The following LMO3 variants were observed in gnomAD, a reference collection of about 807,000 sequenced individuals.
The protein encoded by LMO3 is LIM domain only 3.
In LMO3, 2 loss-of-function variants were observed where a neutral mutation model predicts 15.8. The observed-to-expected ratio is 0.13, with a 90% CI of 0.05 to 0.40. LMO3 has a LOEUF of 0.40. Ranked by LOEUF, LMO3 falls within the 10% of genes least tolerant of loss-of-function variation. The pLI is 0.99. For missense variants in LMO3, 86 were observed against 182.2 expected (o/e 0.47, Z 3.04); for synonymous variants, 62 against 63.8 (o/e 0.97, Z 0.13).
At chr12:16,557,256 A>T (rs1942225587) in intron 3 of LMO3, among the ~76,000 whole-genome samples, 2 of 152,172 alleles carry the variant, frequency 1.3e-5, no homozygotes, top group African/African-American at 2.4e-5. Flanking sequence ...CAAAGGACAT[A>T]AACTGCCTAC....
chr12:16,550,355 G>A lies in LMO3; in HGVS notation c.*867C>T, dbSNP rs758301849. The stretch of plus-strand genomic sequence containing the variant: ...TAACAGATTTTTAAAGTAACCCTTT[G>A]GAAAAAATTTTACGTGATACCCAAA... On this transcript the variant is annotated 3_prime_UTR_variant, in exon 4 of 4. Transcript: ENST00000537304. The A allele has an allele frequency of 6.6e-6, 1 of 152,206 alleles. No individual in the cohort carries two copies. 9.4% of individuals were successfully genotyped at this position (152,206 alleles called of 1,614,324 possible).
rs1943560785 is a variant in LMO3, at chr12:16,593,651, A to C, written c.206+7004T>G. Reference sequence around the variant, plus strand: ...AGTTGGCTGATGTAGTTAGTTTGTGAAGATAGAAAACGTTTGGCTTCTATA... The same window carrying C: ...AGTTGGCTGATGTAGTTAGTTTGTGCAGATAGAAAACGTTTGGCTTCTATA... On this transcript the variant is annotated intron_variant, in intron 2 of 3. Transcript: ENST00000537304. This position sits in a 1 kb window ranked among gnomAD's most constrained non-coding sequence, Gnocchi z 4.2. 6.6e-6 allele frequency among the ~76,000 whole-genome samples: 1 copy of C among 151,840 alleles called. No individual in the cohort carries two copies. The highest frequency in any genetic ancestry group is 2.4e-5 in the African/African-American group (1 of 41,434).
At position 16,549,190 on chromosome 12, in the gene LMO3, A is replaced by C. The variant is rs1452031293; in HGVS notation, c.*2032T>G. On this transcript the variant is annotated 3_prime_UTR_variant, in exon 4 of 4. Transcript: ENST00000537304. ...CTGATCTCTCCCCCACATATTTTTA[A>C]TTTGTCTTGCTTTGTTTATTTTGGT... The C allele has an allele frequency of 1.3e-5, 2 of 152,018 alleles. No individual in the cohort carries two copies. The highest frequency in any genetic ancestry group is 4.8e-5 in the African/African-American group (2 of 41,378). The allele number at this position is 152,018 out of a possible 1,614,324, so 9.4% of individuals were successfully genotyped here. A position where few individuals can be genotyped will look rare whatever the true frequency, so the allele number is the denominator to read the frequency against.
rs527490662 is a variant in LMO3, at chr12:16,557,823, C to T, written c.332+2590G>A. Among the ~76,000 whole-genome samples the T allele has an allele frequency of 3.3e-5, 5 of 152,100 alleles. 1 individual carries two copies. The South Asian group carries it at 1.0e-3, about 32-fold the overall frequency. On this transcript the variant is annotated intron_variant, in intron 3 of 3. Coordinates refer to ENST00000537304, the MANE Select transcript of LMO3 (RefSeq NM_018640.5). ...ATTCAGAGAGATTAAGTAACATACT[C>T]AAGATCACACAGTTAATATATCAGC...
chr12:16,575,997 C>G (rs1942983476), intron 2 of LMO3, among the ~76,000 whole-genome samples: 1 of 151,702 alleles, frequency 6.6e-6, no homozygotes, highest in Admixed American at 6.5e-5. Flanking sequence ...TTTGCCTCCT[C>G]TTCTCAGACC....
upstream of LMO3, chr12:16,609,766 A>T (rs1591844523): frequency 6.6e-6 from 1 of 152,116 alleles, no homozygotes; most frequent in Admixed American, 6.5e-5. Flanking sequence ...ACAAGAAAAT[A>T]GTGTGTATAT....
At chr12:16,580,507 C>T (rs1423077613) in intron 2 of LMO3, among the ~76,000 whole-genome samples, 1 of 152,118 alleles carries the variant, frequency 6.6e-6, no homozygotes, top group East Asian at 1.9e-4. Flanking sequence ...TGGATTGGAT[C>T]TTGATTTGGA....
chr12:16,584,504 C>T lies in LMO3; in HGVS notation c.206+16151G>A, dbSNP rs1033247538. Among the ~76,000 whole-genome samples the T allele has an allele frequency of 2.6e-5, 4 of 151,996 alleles. No homozygotes were observed. Among genetic ancestry groups the T allele is most frequent in the Non-Finnish European group, 4.4e-5 (3 of 67,992 alleles). ...ACCCAGTGGAAAAGTGTTGAGTGAA[C>T]GTAACAGCAGAAATATACAGAGAAT... On this transcript the variant is annotated intron_variant, in intron 2 of 3. Coordinates refer to ENST00000537304, the MANE Select transcript of LMO3 (RefSeq NM_018640.5). The surrounding 1 kb of genome is among the most constrained non-coding windows in gnomAD (Gnocchi z 5.2).
At chr12:16,605,727 AGTT>A (rs1565518687) in intron 1 of LMO3, 1 of 1,521,332 alleles carries the variant, frequency 6.6e-7, no homozygotes, top group Non-Finnish European at 8.8e-7. Flanking sequence ...GAAATACTGC[AGTT>A]CATGGTGAAC....
chr12:16,604,587 C>T lies in LMO3; in HGVS notation c.-9+1479G>A, dbSNP rs547764901. The T allele has an allele frequency of 9.2e-4, 430 of 466,238 alleles. 1 individual carries two copies. The highest frequency in any genetic ancestry group is 1.2e-3 in the Non-Finnish European group (317 of 263,232). The allele number at this position is 466,238 out of a possible 1,614,324, so 28.9% of individuals were successfully genotyped here. A position where few individuals can be genotyped will look rare whatever the true frequency, so the allele number is the denominator to read the frequency against. On this transcript the variant is annotated intron_variant, in intron 1 of 3. Transcript: ENST00000537304. This position sits in a 1 kb window ranked among gnomAD's most constrained non-coding sequence, Gnocchi z 5.3. ...ATAAAAAAAAAAAATAAGAAACATA[C>T]ATACACTCTAACAAAGAATCCCTTG...
chr12:16,585,103 A>T lies in LMO3; in HGVS notation c.206+15552T>A, dbSNP rs1046393851. The stretch of plus-strand genomic sequence containing the variant: ...AGCAACATTAGGCCCACATTCGTAC[A>T]GTGTGCTGGAATTAAGTCATGGCTT... On this transcript the variant is annotated intron_variant, in intron 2 of 3. Coordinates refer to ENST00000537304, the MANE Select transcript of LMO3 (RefSeq NM_018640.5). The surrounding 1 kb of genome is among the most constrained non-coding windows in gnomAD (Gnocchi z 4.7). 6.6e-6 allele frequency among the ~76,000 whole-genome samples: 1 copy of T among 152,182 alleles called. No individual in the cohort carries two copies. Among genetic ancestry groups the T allele is most frequent in the Non-Finnish European group, 1.5e-5 (1 of 68,038 alleles).
At chr12:16,568,352 G>A (rs1431641015) in intron 2 of LMO3, among the ~76,000 whole-genome samples, 2 of 152,166 alleles carry the variant, frequency 1.3e-5, no homozygotes, top group African/African-American at 4.8e-5. Flanking sequence ...ATAGAAAACA[G>A]AAAAGCAATA....
chr12:16,565,982 CCATATATATATATATA>C (rs1591785447), intron 2 of LMO3, among the ~76,000 whole-genome samples: 1 of 44,320 alleles, frequency 2.3e-5, no homozygotes, highest in East Asian at 9.7e-4. Context: ...AGAAAATGTG[CCATATATATATATATA>C]TATATATATA....
Position 16,574,743 on chromosome 12 carries a change from A to T in LMO3, c.207-14205T>A, listed in dbSNP as rs957165064. ...GGATTTATCGGCCATTAGAAAAGAA[A>T]GTCTTCTATAAATCTGTAATAGAAA... On this transcript the variant is annotated intron_variant, in intron 2 of 3. Coordinates refer to ENST00000537304, the MANE Select transcript of LMO3 (RefSeq NM_018640.5). Among the ~76,000 whole-genome samples, 6 of 152,348 alleles carry T rather than the reference A, an allele frequency of 3.9e-5. No homozygotes were observed. The East Asian group carries it at 1.2e-3, about 29-fold the overall frequency.
intron 2 of LMO3, among the ~76,000 whole-genome samples, chr12:16,561,912 AAAGT>A (rs1260280036): frequency 6.6e-6 from 1 of 152,232 alleles, no homozygotes; most frequent in East Asian, 1.9e-4. Context: ...CACTTGATAA[AAAGT>A]AAGCGAAGTT....
chr12:16,556,320 A>C lies in LMO3; in HGVS notation c.332+4093T>G, dbSNP rs576451170. On this transcript the variant is annotated intron_variant, in intron 3 of 3. Coordinates refer to ENST00000537304, the MANE Select transcript of LMO3 (RefSeq NM_018640.5). ...AGATATCATAAAATAAGCTTAAATA[A>C]CCCTCCTGCGGTACCTTTTAAAATA... is the stretch of plus-strand genomic sequence containing the variant. Among the ~76,000 whole-genome samples the C allele has an allele frequency of 5.3e-4, 81 of 152,184 alleles. 1 individual carries two copies. The highest frequency in any genetic ancestry group is 1.9e-3 in the African/African-American group (79 of 41,528).
chr12:16,551,598 T>C (rs1941991969), intron 3 of LMO3, among the ~76,000 whole-genome samples: 1 of 151,846 alleles, frequency 6.6e-6, no homozygotes, highest in Admixed American at 6.6e-5. Context: ...ACTTGCTTTT[T>C]TTTTTTTTAA....
At chr12:16,574,900 G>C (rs1942942516) in intron 2 of LMO3, among the ~76,000 whole-genome samples, 1 of 152,058 alleles carries the variant, frequency 6.6e-6, no homozygotes, top group African/African-American at 2.4e-5. Context: ...ATAGAAATCT[G>C]GCCGAGTCCG....
chr12:16,605,916 A>C, intron 1 of LMO3, 150 bp downstream of exon 1: 1 of 1,286,182 alleles, frequency 7.8e-7, no homozygotes, highest in South Asian at 1.3e-5. Context: ...TGAAAGTTGC[A>C]GTGCGGAGCT....
Sources: gnomAD v4.1 joint callset for allele counts (sites outside exome capture counted in the v4.1 genomes callset) on GRCh38, gnomAD v4.1.1 for gene constraint, Gnocchi (gnomAD v3.1) non-coding constraint, MANE v1.5 for transcripts, NCBI Gene and HGNC (gene_info 2026-07-23, HGNC 2026-07-21) for gene names.